GALC: variants seen among roughly 807,000 people sequenced by gnomAD.
GALC encodes galactosylceramidase, also known as galactocerebrosidase.
A neutral mutation model predicts 91.8 loss-of-function variants in GALC; 77 were observed. The observed-to-expected ratio is 0.84, with a 90% confidence interval of 0.70 to 1.01. The LOEUF is 1.01. Among genes scored for constraint, GALC ranks in the 50% least tolerant of loss-of-function variants. The pLI is 0.00. For synonymous variants in GALC, 357 were observed against 306.7 expected (o/e 1.16, Z -1.71); for missense variants, 882 against 855.9 (o/e 1.03, Z -0.38).
At chr14:87,990,171 T>G (rs1328622735) in intron 1 of GALC, among the ~76,000 whole-genome samples, 5 of 152,224 alleles carry the variant, frequency 3.3e-5, no homozygotes, top group African/African-American at 1.2e-4. Flanking sequence ...GACTCACCTC[T>G]TAGTTCCTTA....
chr14:87,971,075 A>G (rs1886274582), intron 7 of GALC, among the ~76,000 whole-genome samples: 1 of 152,144 alleles, frequency 6.6e-6, no homozygotes, highest in Admixed American at 6.5e-5. Flanking sequence ...GCCAAGGCAG[A>G]ACATGACAGC....
chr14:87,989,757 G>C (rs375312258), intron 1 of GALC: 1 of 152,166 alleles, frequency 6.6e-6, no homozygotes, highest in Non-Finnish European at 1.5e-5. Context: ...CTACTTACGA[G>C]AGTAACCTTC....
intron 13 of GALC, among the ~76,000 whole-genome samples, 193 bp downstream of exon 13, chr14:87,947,535 C>T (rs1474240593): frequency 6.6e-6 from 1 of 151,974 alleles, no homozygotes; most frequent in Non-Finnish European, 1.5e-5. Flanking sequence ...CTGAAAAATA[C>T]AGGGTCCTCA....
At chr14:87,989,264 C>T (rs1406700278) in intron 1 of GALC, among the ~76,000 whole-genome samples, 2 of 152,198 alleles carry the variant, frequency 1.3e-5, no homozygotes, top group Non-Finnish European at 2.9e-5. Context: ...GTTCAAACTG[C>T]TGACACTTTG....
At position 87,934,161 on chromosome 14, in the gene GALC, T is replaced by A; in HGVS notation, c.*571A>T. On this transcript the variant is annotated 3_prime_UTR_variant, in exon 17 of 17. Transcript: ENST00000261304. ...AGAGGCATTTTTAAAATCATCCCAC[T>A]CATCATATCCTGCATTTCAAAAGTA... 1 of 1,421,196 alleles carries A rather than the reference T, an allele frequency of 7.0e-7. No homozygotes were observed. Among genetic ancestry groups the A allele is most frequent in the Non-Finnish European group, 9.2e-7 (1 of 1,090,832 alleles). 88.0% of individuals were successfully genotyped at this position (1,421,196 alleles called of 1,614,324 possible). A position where few individuals can be genotyped will look rare whatever the true frequency, so the allele number is the denominator to read the frequency against.
At chr14:87,976,986 G>C (rs1408371615) in intron 6 of GALC, 1 of 141,650 alleles carries the variant, frequency 7.1e-6, no homozygotes, top group Non-Finnish European at 1.5e-5. Context: ...AAATGTTTTA[G>C]AGGATTTTCA....
At chr14:87,984,555 C>T (rs1886891974) in intron 4 of GALC, 22 bp from the exon 5 acceptor site, 5 of 1,613,668 alleles carry the variant, frequency 3.1e-6, no homozygotes, top group South Asian at 2.2e-5. Context: ...AGGGAGGAGG[C>T]AAAGGTAGAG....
chr14:87,987,941 T>G (rs1004807931), intron 3 of GALC: 13 of 567,250 alleles, frequency 2.3e-5, no homozygotes, highest in Admixed American at 2.1e-4. Flanking sequence ...ATTTGAAGTT[T>G]GAATATTGTT....
chr14:87,969,075 T>A (rs1389838246), intron 7 of GALC, among the ~76,000 whole-genome samples: 2 of 152,154 alleles, frequency 1.3e-5, no homozygotes, highest in East Asian at 3.9e-4. Context: ...ATTTCTTGAA[T>A]AAAAAGAATA....
intron 7 of GALC, among the ~76,000 whole-genome samples, chr14:87,972,214 T>A (rs1306251619): frequency 1.3e-5 from 2 of 152,142 alleles, no homozygotes; most frequent in African/African-American, 4.8e-5. Flanking sequence ...ACAATAAATA[T>A]GAACTACCTC....
chr14:87,952,503 G>C, intron 10 of GALC: 1 of 655,492 alleles, frequency 1.5e-6, no homozygotes, highest in Non-Finnish European at 2.8e-6. Flanking sequence ...CTAATATCCT[G>C]TTGAGAACCA....
chr14:87,992,886 G>A (rs1021247052), intron 1 of GALC, 84 bp downstream of exon 1: 6 of 1,425,308 alleles, frequency 4.2e-6, no homozygotes, highest in Middle Eastern at 2.5e-4. Context: ...GGAAACGCAG[G>A]GCAACGCCGC....
At chr14:87,954,398 G>C (rs548556485) in intron 10 of GALC, 11 of 1,597,818 alleles carry the variant, frequency 6.9e-6, no homozygotes, top group African/African-American at 1.3e-5. Flanking sequence ...TTATGTGCTT[G>C]TATTATGGAG....
Position 87,984,564 on chromosome 14 carries a change from A to G in GALC, c.443-31T>C, listed in dbSNP as rs761927449. 1.4e-4 allele frequency: 221 copies of G among 1,613,606 alleles called. 2 individuals carry two copies. Among genetic ancestry groups the G allele is most frequent in the Middle Eastern group, 4.9e-4 (3 of 6,082 alleles). On this transcript the variant is annotated intron_variant, in intron 4 of 16. Transcript: ENST00000261304. ...GAGAGAAGGGAGGAGGCAAAGGTAG[A>G]GGAGGTATAACGGTGCTGGCGCTAT...
chr14:87,939,836 T>C, intron 16 of GALC, 69 bp downstream of exon 16: 2 of 1,104,162 alleles, frequency 1.8e-6, no homozygotes, highest in South Asian at 2.5e-5. Flanking sequence ...TCCTATTTTA[T>C]AACAGAAAAT....
At chr14:87,985,710 C>G (rs1396723649) in intron 4 of GALC, among the ~76,000 whole-genome samples, 1 of 152,160 alleles carries the variant, frequency 6.6e-6, no homozygotes, top group Non-Finnish European at 1.5e-5. Context: ...TTTCATTTAA[C>G]TTAGTTTGAA....
Position 87,936,921 on chromosome 14 carries a change from T to TATATATATATATATATATA in GALC, c.1912-2044_1912-2043insTATATATATATATATATAT, listed in dbSNP as rs1176265523. Among the ~76,000 whole-genome samples the TATATATATATATATATATA allele has an allele frequency of 4.0e-4, 57 of 141,068 alleles. 3 individuals are homozygous for TATATATATATATATATATA. Among genetic ancestry groups the TATATATATATATATATATA allele is most frequent in the Non-Finnish European group, 5.8e-4 (38 of 65,608 alleles). 92.5% of individuals were successfully genotyped at this position (141,068 alleles called of 152,430 possible). ...CTATATATATATATATATTTATTTATTTTCTCATTGAATCTTCATAAGAAA... is the reference window on the plus strand; with the variant it reads ...CTATATATATATATATATTTATTTATATATATATATATATATATATTTCTCATTGAATCTTCATAAGAAA... On this transcript the variant is annotated intron_variant, in intron 16 of 16. Coordinates refer to ENST00000261304, the MANE Select transcript of GALC (RefSeq NM_000153.4).
Position 87,934,517 on chromosome 14 carries a change from T to C in GALC, c.*215A>G, listed in dbSNP as rs1401625757. The stretch of plus-strand genomic sequence containing the variant: ...TTTGAATGTTAGGGAACACACCAGG[T>C]AATGTTAAAGATTCACCAGTTTTCC... On this transcript the variant is annotated 3_prime_UTR_variant, in exon 17 of 17. Transcript: ENST00000261304. 1.7e-5 allele frequency: 25 copies of C among 1,430,556 alleles called. No homozygotes were observed. Among genetic ancestry groups the C allele is most frequent in the Non-Finnish European group, 2.2e-5 (24 of 1,097,704 alleles). 88.6% of individuals were successfully genotyped at this position (1,430,556 alleles called of 1,614,324 possible).
chr14:87,986,717 C>A, intron 3 of GALC, 115 bp from the exon 4 acceptor site: 1 of 703,710 alleles, frequency 1.4e-6, no homozygotes, highest in South Asian at 1.5e-5. Context: ...TATTCCAGTT[C>A]TAATCCTGAA....
Sources: allele counts gnomAD v4.1 joint callset (sites outside exome capture counted in the v4.1 genomes callset), GRCh38; gene constraint gnomAD v4.1.1; transcripts MANE v1.5; gene names NCBI Gene and HGNC (gene_info 2026-07-23, HGNC 2026-07-21).